Variants in CCDC178 observed in about 807,000 individuals in gnomAD.
CCDC178 encodes coiled-coil domain-containing protein 178.
CCDC178 carries 126 observed loss-of-function variants against 117.4 expected under a neutral mutation model. The ratio of observed to expected loss-of-function variants is 1.07; its 90% CI spans 0.93 to 1.24. The LOEUF is 1.24. Among genes scored for constraint, CCDC178 ranks in the 50% most tolerant of loss-of-function variants. The probability of loss-of-function intolerance (pLI) is 0.00; values close to 1 mark genes in which losing one functional copy is unlikely to be tolerated. For synonymous variants in CCDC178, 283 were observed against 313.4 expected (o/e 0.90, Z 1.02); for missense variants, 1,030 against 986.9 (o/e 1.04, Z -0.59).
intron 21 of CCDC178, among the ~76,000 whole-genome samples, chr18:32,988,590 C>T (rs1340718528): frequency 6.6e-6 from 1 of 151,870 alleles, no homozygotes; most frequent in Non-Finnish European, 1.5e-5. Context: ...AAGAGCTTTT[C>T]ATCCAAATTT....
chr18:32,988,079 AAATAATAATAATAAT>A (rs145642185), intron 21 of CCDC178, among the ~76,000 whole-genome samples: 47 of 141,234 alleles, frequency 3.3e-4, no homozygotes, highest in Non-Finnish European at 3.8e-4. Context: ...ATCCGTCTCA[AAATAATAATAATAAT>A]AATAATAATA....
chr18:33,174,780 C>T (rs937374405), intron 20 of CCDC178, among the ~76,000 whole-genome samples: 3 of 152,064 alleles, frequency 2.0e-5, no homozygotes, highest in Non-Finnish European at 4.4e-5. Context: ...ATATCCCAAA[C>T]TACAGCAATA....
intron 20 of CCDC178, among the ~76,000 whole-genome samples, chr18:33,174,859 T>G (rs2058645164): frequency 6.6e-6 from 1 of 151,866 alleles, no homozygotes; most frequent in Admixed American, 6.6e-5. Context: ...CATATTAGTA[T>G]TATTATTATT....
chr18:33,189,071 T>C (rs1333351328), intron 20 of CCDC178, among the ~76,000 whole-genome samples: 1 of 152,166 alleles, frequency 6.6e-6, no homozygotes, highest in Non-Finnish European at 1.5e-5. Context: ...ATTGAGCCAC[T>C]ACTACTTAAT....
chr18:33,206,036 AC>A (rs1285877830), intron 20 of CCDC178, among the ~76,000 whole-genome samples: 1 of 152,192 alleles, frequency 6.6e-6, no homozygotes, highest in Non-Finnish European at 1.5e-5. Flanking sequence ...ATAAATTTAA[AC>A]AACAGCTGAC....
intron 1 of CCDC178, 58 bp downstream of exon 1, chr18:33,440,595 C>A (rs2064372387): frequency 6.6e-6 from 1 of 151,906 alleles, no homozygotes; most frequent in African/African-American, 2.4e-5. Context: ...CGCCGCCCGG[C>A]AGCGCCCCGC....
intron 3 of CCDC178, among the ~76,000 whole-genome samples, chr18:33,402,412 G>GA (rs1290207977): frequency 1.3e-5 from 2 of 152,120 alleles, no homozygotes; most frequent in Admixed American, 6.6e-5. Context: ...ACAGAGCCTT[G>GA]AAAAATAAAG....
intron 14 of CCDC178, among the ~76,000 whole-genome samples, chr18:33,263,991 A>AGT (rs2059783739): frequency 6.6e-6 from 1 of 152,120 alleles, no homozygotes; most frequent in African/African-American, 2.4e-5. Flanking sequence ...AGCAAATTAC[A>AGT]AAGACTACAG....
chr18:32,988,833 AATACT>A (rs1267747117), intron 21 of CCDC178, among the ~76,000 whole-genome samples: 4 of 152,128 alleles, frequency 2.6e-5, no homozygotes, highest in African/African-American at 9.6e-5. Flanking sequence ...TTGTTAAGAT[AATACT>A]ATGAGTAATT....
At chr18:33,256,214 T>A (rs961247180) in intron 14 of CCDC178, among the ~76,000 whole-genome samples, 1 of 151,992 alleles carries the variant, frequency 6.6e-6, no homozygotes, top group African/African-American at 2.4e-5. Context: ...TTGCTAAAAG[T>A]ACAAATAGGA....
At chr18:33,096,739 C>T (rs1458318626) in intron 20 of CCDC178, among the ~76,000 whole-genome samples, 2 of 152,026 alleles carry the variant, frequency 1.3e-5, no homozygotes, top group South Asian at 2.1e-4. Context: ...AAGCCTCAAC[C>T]GTCTCAGTTC....
chr18:33,262,702 C>T (rs930436485), intron 14 of CCDC178, among the ~76,000 whole-genome samples: 15 of 152,104 alleles, frequency 9.9e-5, no homozygotes, highest in African/African-American at 3.6e-4. Flanking sequence ...TAAGCTTCAG[C>T]CACATCAAAA....
intron 21 of CCDC178, among the ~76,000 whole-genome samples, chr18:33,054,782 T>C (rs1473883101): frequency 1.3e-5 from 2 of 152,230 alleles, no homozygotes; most frequent in Non-Finnish European, 1.5e-5. Flanking sequence ...TTTGGGTACA[T>C]ACCCAGTAAT....
At chr18:32,991,264 G>T (rs979057393) in intron 21 of CCDC178, among the ~76,000 whole-genome samples, 1 of 152,062 alleles carries the variant, frequency 6.6e-6, no homozygotes, top group Non-Finnish European at 1.5e-5. Flanking sequence ...ATAAATGTTT[G>T]CCGGGCAAAT....
intron 2 of CCDC178, among the ~76,000 whole-genome samples, chr18:33,415,135 T>C (rs557831213): frequency 2.2e-4 from 34 of 152,304 alleles, no homozygotes; most frequent in African/African-American, 8.2e-4. Flanking sequence ...TTGTGGAAGA[T>C]AGCGTGGTGA....
intron 11 of CCDC178, among the ~76,000 whole-genome samples, chr18:33,307,648 G>A (rs1358150316): frequency 1.3e-5 from 2 of 152,200 alleles, no homozygotes; most frequent in Admixed American, 1.3e-4. Flanking sequence ...CTTCACAGCA[G>A]CCCATCTCAT....
intron 20 of CCDC178, among the ~76,000 whole-genome samples, chr18:33,114,622 C>A (rs1287783835): frequency 6.6e-6 from 1 of 152,022 alleles, no homozygotes; most frequent in South Asian, 2.1e-4. Flanking sequence ...ATTCAATTAT[C>A]TTGTGTTAAA....
chr18:32,944,616 C>T (rs541915279), intron 22 of CCDC178, among the ~76,000 whole-genome samples: 1 of 152,282 alleles, frequency 6.6e-6, no homozygotes, highest in South Asian at 2.1e-4. Flanking sequence ...GCACCATCTT[C>T]ATAACCAACT....
intron 6 of CCDC178, 53 bp downstream of exon 6, chr18:33,369,997 T>C: frequency 1.4e-6 from 2 of 1,437,192 alleles, no homozygotes; most frequent in Non-Finnish European, 1.9e-6. Flanking sequence ...AACCAATCCT[T>C]AGAGGGTCGA....
Sources: gnomAD v4.1 joint callset for allele counts (sites outside exome capture counted in the v4.1 genomes callset) on GRCh38, gnomAD v4.1.1 for gene constraint, MANE v1.5 for transcripts, NCBI Gene and HGNC (gene_info 2026-07-23, HGNC 2026-07-21) for gene names.